The following ALLC variants were observed in gnomAD, a reference collection of about 807,000 sequenced individuals.
ALLC encodes the protein probable inactive allantoicase.
A neutral mutation model predicts 45.0 loss-of-function variants in ALLC; 40 were observed. The ratio of observed to expected loss-of-function variants is 0.89; its 90% CI spans 0.69 to 1.16. The LOEUF (loss-of-function observed/expected upper bound fraction) is 1.16. ALLC is among the 50% of genes most tolerant of loss of function. The pLI is 0.00. For missense variants in ALLC, 488 were observed against 493.1 expected, an observed-to-expected ratio of 0.99 and a Z score of 0.10; for synonymous variants, 176 against 178.1, an observed-to-expected ratio of 0.99 and a Z score of 0.09.
intron 6 of ALLC, among the ~76,000 whole-genome samples, chr2:3,682,686 C>T (rs550796744): frequency 8.7e-4 from 133 of 152,200 alleles, no homozygotes; most frequent in African/African-American, 3.1e-3. Context: ...CCACCACGCC[C>T]GGCTAATTTT....
At chr2:3,697,307 C>A in intron 9 of ALLC, 41 bp from the exon 10 acceptor site, 1 of 1,532,372 alleles carries the variant, frequency 6.5e-7, no homozygotes, top group Non-Finnish European at 9.0e-7. Context: ...TCTTGAATGA[C>A]TCCAAGTTCG....
chr2:3,647,882 C>T, the ALLC span, among the ~76,000 whole-genome samples: 1 of 152,206 alleles, frequency 6.6e-6, no homozygotes, highest in African/African-American at 2.4e-5. Context: ...CCTTGATGTG[C>T]GCCGGTGAGA....
chr2:3,663,420 G>A (rs115053574), intron 1 of ALLC, among the ~76,000 whole-genome samples: 353 of 152,188 alleles, frequency 2.3e-3, no homozygotes, highest in African/African-American at 6.8e-3. Flanking sequence ...GGGGCCTGTC[G>A]GAAGTCGGGA....
At chr2:3,662,339 C>A (rs1666596568) in intron 1 of ALLC, among the ~76,000 whole-genome samples, 1 of 152,198 alleles carries the variant, frequency 6.6e-6, no homozygotes, top group African/African-American at 2.4e-5. Flanking sequence ...CTGGAGCACA[C>A]CCTGCTCACC....
At chr2:3,672,461 C>G (rs62108698) in intron 2 of ALLC, among the ~76,000 whole-genome samples, 7,856 of 120,028 alleles carry the variant, frequency 0.065, 500 homozygotes, top group East Asian at 0.17. Context: ...CTGGTTAGAT[C>G]GGAGGTCCTC....
At chr2:3,658,976 C>T (rs958339093) in intron 1 of ALLC, among the ~76,000 whole-genome samples, 2 of 151,792 alleles carry the variant, frequency 1.3e-5, no homozygotes, top group Non-Finnish European at 2.9e-5. Context: ...AAATATATAC[C>T]AAGAGTTGCC....
chr2:3,655,231 T>A (rs150457573), upstream of ALLC, among the ~76,000 whole-genome samples: 242 of 152,322 alleles, frequency 1.6e-3, no homozygotes, highest in African/African-American at 5.6e-3. Flanking sequence ...GAACTTCACC[T>A]GGAAAGTGAC....
intron 7 of ALLC, among the ~76,000 whole-genome samples, chr2:3,694,353 A>G (rs1667601315): frequency 6.6e-6 from 1 of 152,208 alleles, no homozygotes; most frequent in African/African-American, 2.4e-5. Flanking sequence ...CCTGGGATCC[A>G]GGTGTAAAGG....
intron 11 of ALLC, among the ~76,000 whole-genome samples, chr2:3,702,051 C>T (rs1202983738): frequency 4.6e-5 from 7 of 152,014 alleles, no homozygotes; most frequent in South Asian, 2.1e-4. Flanking sequence ...AAATAATCTC[C>T]GGGAGAGACC....
intron 3 of ALLC, among the ~76,000 whole-genome samples, chr2:3,677,989 A>G (rs1249927649): frequency 1.3e-5 from 2 of 152,224 alleles, no homozygotes; most frequent in Non-Finnish European, 2.9e-5. Context: ...TGTGTGGGGC[A>G]TCAGAGACCA....
intron 7 of ALLC, among the ~76,000 whole-genome samples, chr2:3,693,825 T>C (rs111866349): frequency 0.046 from 6,995 of 152,144 alleles, 206 homozygotes; most frequent in East Asian, 0.11. Context: ...TTGTCTCTAC[T>C]AAAAATACAA....
chr2:3,648,727 GTCC>G, the ALLC span, among the ~76,000 whole-genome samples: 3 of 152,258 alleles, frequency 2.0e-5, no homozygotes, highest in Non-Finnish European at 2.9e-5. Context: ...ACCAACCCCT[GTCC>G]TCCTGCAAAT....
chr2:3,658,978 A>G (rs1666506371), intron 1 of ALLC, among the ~76,000 whole-genome samples: 1 of 152,134 alleles, frequency 6.6e-6, no homozygotes, highest in Non-Finnish European at 1.5e-5. Context: ...ATATATACCA[A>G]GAGTTGCCGG....
chr2:3,649,274 C>T, the ALLC span, among the ~76,000 whole-genome samples: 1 of 150,144 alleles, frequency 6.7e-6, no homozygotes, highest in African/African-American at 2.5e-5. Context: ...CGGAGTCTCG[C>T]TCTATTGCCC....
At position 3,686,099 on chromosome 2, in the gene ALLC, G is replaced by A. The variant is rs1332609725; in HGVS notation, c.511+3025G>A. On this transcript the variant is annotated intron_variant, in intron 7 of 11. Coordinates refer to ENST00000252505, the MANE Select transcript of ALLC (RefSeq NM_018436.4). ...TTTCCCCAAGGTTTTCTTCTAGAAT[G>A]TTCATAGTTTTAGGTCTTAGATTTA... 3.3e-5 allele frequency among the ~76,000 whole-genome samples: 5 copies of A among 151,074 alleles called. 1 individual carries two copies. The East Asian group carries it at 7.9e-4, about 24-fold the overall frequency.
the ALLC span, among the ~76,000 whole-genome samples, chr2:3,647,670 C>T: frequency 6.7e-6 from 1 of 150,088 alleles, no homozygotes; most frequent in South Asian, 2.1e-4. Flanking sequence ...CTCACCCGTC[C>T]TCTCCTGATG....
intron 10 of ALLC, among the ~76,000 whole-genome samples, chr2:3,697,784 G>A (rs930128192): frequency 1.3e-5 from 2 of 150,642 alleles, no homozygotes; most frequent in African/African-American, 4.9e-5. Context: ...TCCTGCCTCA[G>A]CCTCCCGAGT....
At chr2:3,652,120 G>A in the ALLC span, among the ~76,000 whole-genome samples, 3 of 152,226 alleles carry the variant, frequency 2.0e-5, no homozygotes, top group African/African-American at 7.2e-5. Flanking sequence ...GAGGCCCGGA[G>A]CCCCGCCTCG....
At chr2:3,694,466 G>T (rs1490729180) in intron 7 of ALLC, among the ~76,000 whole-genome samples, 1 of 152,206 alleles carries the variant, frequency 6.6e-6, no homozygotes, top group Non-Finnish European at 1.5e-5. Flanking sequence ...TCATTTCTGG[G>T]ATTCCTTGGC....
Sources: allele counts gnomAD v4.1 joint callset (sites outside exome capture counted in the v4.1 genomes callset), GRCh38; gene constraint gnomAD v4.1.1; transcripts MANE v1.5; gene names NCBI Gene and HGNC (gene_info 2026-07-23, HGNC 2026-07-21).